TKT: variants seen among roughly 807,000 people sequenced by gnomAD.
TKT encodes transketolase, also known as epididymis luminal protein 107.
In TKT, 47 loss-of-function variants were observed where a neutral mutation model predicts 63.9. That is an observed-to-expected ratio of 0.74 (90% CI 0.58 to 0.94). TKT has a LOEUF of 0.94. TKT is among the 40% of genes least tolerant of loss of function. TKT has a pLI of 0.00. For synonymous variants in TKT, 338 were observed against 334.1 expected, an observed-to-expected ratio of 1.01 and a Z score of -0.13; for missense variants, 721 against 846.2, an observed-to-expected ratio of 0.85 and a Z score of 1.84.
intron 7 of TKT, among the ~76,000 whole-genome samples, 168 bp from the exon 8 acceptor site, chr3:53,230,789 G>A (rs1302266530): frequency 3.3e-5 from 5 of 149,636 alleles, no homozygotes; most frequent in South Asian, 2.2e-4. Flanking sequence ...CAACGACTAC[G>A]GTCAATGTCT....
intron 11 of TKT, 46 bp from the exon 12 acceptor site, chr3:53,228,195 G>A (rs782169674): frequency 1.1e-5 from 18 of 1,612,822 alleles, no homozygotes; most frequent in Non-Finnish European, 1.4e-5. Flanking sequence ...CCCTGGGGCA[G>A]GGTGTGCCCT....
intron 13 of TKT, 104 bp from the exon 14 acceptor site, chr3:53,226,035 C>T: frequency 1.8e-6 from 2 of 1,102,528 alleles, no homozygotes; most frequent in Non-Finnish European, 2.6e-6. Flanking sequence ...GCTGCATATG[C>T]ACTGCCTTTC....
chr3:53,237,248 T>C (rs782631777), intron 4 of TKT, among the ~76,000 whole-genome samples: 1 of 151,532 alleles, frequency 6.6e-6, no homozygotes, highest in East Asian at 1.9e-4. Flanking sequence ...ATTAGCTGAG[T>C]GTGGTGGTGC....
rs782563352 is a variant in TKT at position 53,230,568 on chromosome 3, A to C, written c.996T>G (p.Ser332Arg). 77 of 1,614,110 alleles carry C rather than the reference A, an allele frequency of 4.8e-5. No individual in the cohort carries two copies. The highest frequency in any genetic ancestry group is 1.0e-4 in the Admixed American group (6 of 59,996). The change falls in exon 8 of 14, where the codon AGT (serine) becomes AGG (arginine). Residue 332 changes from serine (S) to arginine (R), a missense_variant. Transcript: ENST00000462138. ...GQALAKLGHA[S>R]DRIIALDGDT... is the part of the protein sequence containing the mutation. ...CCCCATCCAGGGCGATGATGCGGTCACTGGCATGGCCCAGCTTGGCCAGTG... is the reference window on the plus strand; with the variant it reads ...CCCCATCCAGGGCGATGATGCGGTCCCTGGCATGGCCCAGCTTGGCCAGTG...
At chr3:53,234,944 C>G (rs372940153) in intron 5 of TKT, 39 bp downstream of exon 5, 11 of 1,566,666 alleles carry the variant, frequency 7.0e-6, no homozygotes, top group Non-Finnish European at 7.0e-6. Context: ...ACCACTCTCC[C>G]GTGCTGTGAC....
rs969444782 is a variant in TKT at position 53,248,639 on chromosome 3, A to C, written c.108-6397T>G. Among the ~76,000 whole-genome samples, 29 of 47,514 alleles carry C rather than the reference A, an allele frequency of 6.1e-4. 1 individual carries two copies. The highest frequency in any genetic ancestry group is 1.1e-3 in the African/African-American group (17 of 15,958). 31.2% of individuals were successfully genotyped at this position (47,514 alleles called of 152,430 possible). On this transcript the variant is annotated intron_variant, in intron 1 of 13. Transcript: ENST00000462138. ...TGGAGACCCTGCCCCCCACCCCCCA[A>C]AAAAAAGGAACAAAGTACTGATTCA...
At chr3:53,250,209 C>A (rs1553681466) in intron 1 of TKT, among the ~76,000 whole-genome samples, 2 of 152,294 alleles carry the variant, frequency 1.3e-5, no homozygotes, top group African/African-American at 4.8e-5. Flanking sequence ...TCAGTCAGGG[C>A]CAGGATGGGT....
chr3:53,226,995 G>C, intron 12 of TKT, 117 bp from the exon 13 acceptor site: 1 of 1,321,662 alleles, frequency 7.6e-7, no homozygotes, highest in Non-Finnish European at 1.0e-6. Context: ...CAGCCTGCGG[G>C]CCTGTCCCTG....
In TKT at chr3:53,255,943, G is replaced by A; in HGVS notation, c.-1C>T. The stretch of plus-strand genomic sequence containing the variant: ...GGTCAGGCTTGTGGTAGCTCTCCAT[G>A]GTGCGGCAGGCGGGGACCGGGCGCA... On this transcript the variant is annotated 5_prime_UTR_variant, in exon 1 of 14. Transcript: ENST00000462138. The A allele has an allele frequency of 1.3e-6, 2 of 1,517,624 alleles. No individual in the cohort carries two copies. The highest frequency in any genetic ancestry group is 8.9e-7 in the Non-Finnish European group (1 of 1,129,502). The allele number at this position is 1,517,624 out of a possible 1,614,324, so 94.0% of individuals were successfully genotyped here.
intron 6 of TKT, chr3:53,232,410 C>T: frequency 2.5e-6 from 1 of 398,824 alleles, no homozygotes; most frequent in Non-Finnish European, 4.4e-6. Flanking sequence ...CAGAACAAGC[C>T]ACAACCCCTG....
At position 53,229,376 on chromosome 3, in the gene TKT, CA is replaced by C; in HGVS notation, c.1167del (p.Phe389LeufsTer43). 6.2e-7 allele frequency: 1 copy of C among 1,613,210 alleles called. No individual in the cohort carries two copies. The highest frequency in any genetic ancestry group is 8.5e-7 in the Non-Finnish European group (1 of 1,179,636). On this transcript the variant is annotated frameshift_variant, in exon 9 of 14. Transcript: ENST00000462138. LOFTEE classifies it high-confidence loss of function. ...TCAAAGGCCCGCGTGAAGAAGGCTGCAAAAGTGCTGCAGAAGGGCACCGTCC... is the reference window on the plus strand; with the variant it reads ...TCAAAGGCCCGCGTGAAGAAGGCTGCAAAGTGCTGCAGAAGGGCACCGTCC... ...RNRTVPFCSTFAAFFTRAFDQ... is the reference protein window; with the variant it reads ...RNRTVPFCSTXAAFFTRAFDQ...
rs782819946 is a variant in TKT at position 53,231,395 on chromosome 3, G to A, written c.904C>T (p.Arg302Cys). 12 of 1,613,814 alleles carry A rather than the reference G, an allele frequency of 7.4e-6. No homozygotes were observed. In the African/African-American group the frequency reaches 8.0e-5, roughly 11 times the overall value. ...DAPSVDIANI[R>C]MPSLPSYKVG... ...TTGTAGCTGGGCAGGCTGGGCATGC[G>A]GATGTTGGCAATGTCCACTGAGGGT... is the stretch of plus-strand genomic sequence containing the variant. The change falls in exon 7 of 14, where the codon CGC (arginine) becomes TGC (cysteine). Residue 302 changes from arginine (R) to cysteine (C), a missense_variant. By Grantham distance (180) the Arg-to-Cys change is radical. Transcript: ENST00000462138.
intron 5 of TKT, 120 bp downstream of exon 5, chr3:53,234,863 G>A: frequency 9.9e-7 from 1 of 1,009,162 alleles, no homozygotes; most frequent in East Asian, 2.7e-5. Flanking sequence ...GCTAAAGAAA[G>A]GGACCTTTAG....
chr3:53,228,456 G>A (rs3736154), intron 10 of TKT, 97 bp from the exon 11 acceptor site: 264,133 of 1,353,052 alleles, frequency 0.2, 26,659 homozygotes, highest in South Asian at 0.29. Context: ...CCATGGGAGC[G>A]TTAGTTACTG....
chr3:53,235,131 C>T lies in TKT; in HGVS notation c.481G>A (p.Gly161Ser). The T allele has an allele frequency of 6.2e-7, 1 of 1,613,410 alleles. No homozygotes were observed. The highest frequency in any genetic ancestry group is 1.1e-5 in the South Asian group (1 of 90,984). ...AAGGCCATGGCCTCCCATACAGAGC[C>T]CTCTGACAGCTCCCCGTCTCCCAGC... ...CLLGDGELSE[G>S]SVWEAMAFAS... The change falls in exon 5 of 14, where the codon GGC (glycine) becomes AGC (serine). Residue 161 changes from glycine to serine, a missense_variant. By Grantham distance (56) the Gly-to-Ser change is moderately conservative (BLOSUM62 0). Transcript: ENST00000462138.
chr3:53,226,899 C>T lies in TKT; in HGVS notation c.1574-21G>A, dbSNP rs371443076. ...CTTTTCTGTGAGGGAGAGCACACGGCGTGGCTGAGGGGAGGGCTGGGCACC... is the reference window on the plus strand; with the variant it reads ...CTTTTCTGTGAGGGAGAGCACACGGTGTGGCTGAGGGGAGGGCTGGGCACC... On this transcript the variant is annotated intron_variant, in intron 12 of 13. Coordinates refer to ENST00000462138, the MANE Select transcript of TKT (RefSeq NM_001064.4). The T allele has an allele frequency of 4.4e-4, 692 of 1,583,292 alleles. 10 individuals are homozygous for T. In the South Asian group the frequency reaches 6.6e-3, roughly 15 times the overall value.
At chr3:53,253,990 C>T (rs797042074) in intron 1 of TKT, among the ~76,000 whole-genome samples, 17 of 152,280 alleles carry the variant, frequency 1.1e-4, no homozygotes, top group African/African-American at 3.9e-4. Flanking sequence ...AACACACTAG[C>T]CTCAGTGTTC....
At chr3:53,233,901 G>A (rs1259377579) in intron 5 of TKT, 1 of 152,270 alleles carries the variant, frequency 6.6e-6, no homozygotes, top group Non-Finnish European at 1.5e-5. Flanking sequence ...CGCCATGCTT[G>A]GGTGCTGAGC....
chr3:53,245,433 T>G (rs1287149240), intron 1 of TKT, among the ~76,000 whole-genome samples: 2 of 152,036 alleles, frequency 1.3e-5, no homozygotes, highest in Non-Finnish European at 2.9e-5. Context: ...CACAGGTTTC[T>G]ATGCAAGAAA....
Sources: allele counts gnomAD v4.1 joint callset (sites outside exome capture counted in the v4.1 genomes callset), GRCh38; gene constraint gnomAD v4.1.1; transcripts MANE v1.5; gene names NCBI Gene and HGNC (gene_info 2026-07-23, HGNC 2026-07-21).